The following DPP6 variants were observed in gnomAD, a reference collection of about 807,000 sequenced individuals.
DPP6 encodes the protein A-type potassium channel modulatory protein DPP6.
DPP6 carries 69 observed loss-of-function variants against 122.6 expected under a neutral mutation model. The observed-to-expected ratio is 0.56, with a 90% CI of 0.46 to 0.69. DPP6 has a LOEUF of 0.69. DPP6 is among the 30% of genes least tolerant of loss of function. The pLI is 0.00. For missense variants in DPP6, 928 were observed against 1,116.9 expected, an observed-to-expected ratio of 0.83 and a Z score of 2.41; for synonymous variants, 418 against 433.1, an observed-to-expected ratio of 0.97 and a Z score of 0.43.
chr7:154,664,133 G>A (rs142106225), intron 6 of DPP6, among the ~76,000 whole-genome samples: 2,853 of 144,916 alleles, frequency 0.02, 119 homozygotes, highest in African/African-American at 0.067. Flanking sequence ...TCACCATGGC[G>A]TATTGGCCGT....
intron 6 of DPP6, among the ~76,000 whole-genome samples, chr7:154,653,309 G>T (rs1042571039): frequency 2.6e-5 from 4 of 152,174 alleles, no homozygotes; most frequent in African/African-American, 7.2e-5. Flanking sequence ...AGCTATGATT[G>T]TGCCAATCTA....
intron 1 of DPP6, among the ~76,000 whole-genome samples, chr7:154,410,190 A>G (rs1029686393): frequency 1.3e-5 from 2 of 152,242 alleles, no homozygotes; most frequent in Non-Finnish European, 2.9e-5. Context: ...CAGAGCTTAC[A>G]TAACTTCAGA....
intron 7 of DPP6, 125 bp from the exon 8 acceptor site, chr7:154,727,642 T>C: frequency 7.5e-7 from 1 of 1,331,652 alleles, no homozygotes; most frequent in South Asian, 1.7e-5. Context: ...GAGACTGCCT[T>C]TGTTCTGTCT....
intron 16 of DPP6, among the ~76,000 whole-genome samples, chr7:154,842,918 G>A (rs1024917088): frequency 2.0e-5 from 3 of 152,216 alleles, no homozygotes; most frequent in African/African-American, 7.2e-5. Context: ...CAGCCACGAG[G>A]CAGGCTTATT....
At chr7:154,070,814 A>G (rs892414291) in intron 1 of DPP6, among the ~76,000 whole-genome samples, 3 of 152,190 alleles carry the variant, frequency 2.0e-5, no homozygotes, top group Admixed American at 6.5e-5. Context: ...TAAGTGAATT[A>G]CCCATGGGCC....
At chr7:154,070,405 T>C (rs1235350276) in intron 1 of DPP6, among the ~76,000 whole-genome samples, 3 of 152,150 alleles carry the variant, frequency 2.0e-5, no homozygotes, top group Non-Finnish European at 2.9e-5. Context: ...TCTCAGAAGA[T>C]AGTTGTGATG....
intron 5 of DPP6, among the ~76,000 whole-genome samples, chr7:154,579,772 C>T (rs1297876666): frequency 8.5e-5 from 13 of 152,080 alleles, no homozygotes; most frequent in African/African-American, 2.2e-4. Context: ...CAGGTAATTA[C>T]GTGTCATTCC....
At chr7:153,917,404 A>C (rs73494343) in intron 1 of DPP6, among the ~76,000 whole-genome samples, 2,315 of 152,322 alleles carry the variant, frequency 0.015, 54 homozygotes, top group African/African-American at 0.053. Flanking sequence ...ATGCAGATGA[A>C]CTTGGGCAGT....
chr7:153,812,547 T>A, the DPP6 span, among the ~76,000 whole-genome samples: 1 of 152,084 alleles, frequency 6.6e-6, no homozygotes, highest in Non-Finnish European at 1.5e-5. Flanking sequence ...TTAGTCAACA[T>A]GTAAATGCTA....
At chr7:154,053,703 C>G (rs1800586982) in intron 1 of DPP6, among the ~76,000 whole-genome samples, 1 of 152,198 alleles carries the variant, frequency 6.6e-6, no homozygotes, top group South Asian at 2.1e-4. Context: ...AGCTCTTTTG[C>G]TGAGAGCCCT....
chr7:154,192,426 G>T (rs1798658429), intron 1 of DPP6, among the ~76,000 whole-genome samples: 1 of 152,198 alleles, frequency 6.6e-6, no homozygotes, highest in Admixed American at 6.5e-5. Flanking sequence ...ACTGCCTCTT[G>T]GTTCCAGGTA....
chr7:154,346,496 G>A (rs1284813434), intron 1 of DPP6, among the ~76,000 whole-genome samples: 2 of 152,206 alleles, frequency 1.3e-5, no homozygotes, highest in Admixed American at 1.3e-4. Context: ...TATTAGAGAC[G>A]AGGTTTCACC....
chr7:153,804,599 A>G, the DPP6 span, among the ~76,000 whole-genome samples: 10 of 152,210 alleles, frequency 6.6e-5, 1 homozygote, highest in Admixed American at 5.9e-4. Context: ...GGTTTTTGCC[A>G]TTTAAAAACT....
At chr7:154,313,714 T>TATATATATATATGCAG (rs1177234778) in intron 1 of DPP6, among the ~76,000 whole-genome samples, 1 of 17,790 alleles carries the variant, frequency 5.6e-5, no homozygotes, top group Non-Finnish European at 1.2e-4. Flanking sequence ...TATATATATA[T>TATATATATATATGCAG]ACACACACAC....
At chr7:154,772,386 G>A (rs1363427230) in intron 9 of DPP6, among the ~76,000 whole-genome samples, 2 of 152,150 alleles carry the variant, frequency 1.3e-5, no homozygotes, top group Non-Finnish European at 1.5e-5. Flanking sequence ...CCCCCAGAGA[G>A]TGGGGAACAG....
intron 6 of DPP6, 22 bp from the exon 7 acceptor site, chr7:154,669,338 T>G: frequency 6.4e-7 from 1 of 1,552,062 alleles, no homozygotes; most frequent in Non-Finnish European, 8.7e-7. Context: ...GCTTTGTTTT[T>G]GTTTGTTTGT....
intron 16 of DPP6, among the ~76,000 whole-genome samples, chr7:154,825,658 G>A (rs557478526): frequency 3.3e-5 from 5 of 152,316 alleles, no homozygotes; most frequent in African/African-American, 9.6e-5. Flanking sequence ...CGCATGGCTA[G>A]TTAAGAGTGG....
rs1823415145 is a variant in DPP6, at chr7:154,482,726, C to T, written c.457+7689C>T. 2.6e-5 allele frequency among the ~76,000 whole-genome samples: 4 copies of T among 152,112 alleles called. No homozygotes were observed. In the South Asian group the frequency reaches 8.3e-4, roughly 32 times the overall value. ...CGATATTAATGTGCCTTAATTTGCG[C>T]CATCTTCTGATATTGAAAGTTTAGG... On this transcript the variant is annotated intron_variant, in intron 3 of 25. Transcript: ENST00000377770.
the DPP6 span, among the ~76,000 whole-genome samples, chr7:153,770,712 A>C: frequency 1.3e-5 from 2 of 152,216 alleles, no homozygotes; most frequent in African/African-American, 4.8e-5. Flanking sequence ...AATAACTATG[A>C]CTATGTTAAA....
Sources: gnomAD v4.1 joint callset for allele counts (sites outside exome capture counted in the v4.1 genomes callset) on GRCh38, gnomAD v4.1.1 for gene constraint, MANE v1.5 for transcripts, NCBI Gene and HGNC (gene_info 2026-07-23, HGNC 2026-07-21) for gene names.